Variants in TBC1D21 observed in about 807,000 individuals in gnomAD.
TBC1D21 encodes the protein TBC1 domain family member 21.
TBC1D21 carries 38 observed loss-of-function variants against 46.0 expected under a neutral mutation model. The ratio of observed to expected loss-of-function variants is 0.83; its 90% CI spans 0.64 to 1.08. The LOEUF is 1.08. Among genes scored for constraint, TBC1D21 ranks in the 50% least tolerant of loss-of-function variants. The pLI is 0.00. For missense variants in TBC1D21, 415 were observed against 417.9 expected (o/e 0.99, Z 0.06); for synonymous variants, 151 against 157.2 (o/e 0.96, Z 0.29).
At chr15:73,883,553 C>A (rs1423398420) in intron 3 of TBC1D21, among the ~76,000 whole-genome samples, 1 of 152,182 alleles carries the variant, frequency 6.6e-6, no homozygotes, top group Non-Finnish European at 1.5e-5. Flanking sequence ...GAACACATGT[C>A]ATTGGATTTG....
the TBC1D21 span, chr15:73,908,406 G>A: frequency 6.6e-6 from 1 of 152,456 alleles, no homozygotes; most frequent in East Asian, 1.9e-4. Context: ...CGCCAGTCCT[G>A]GCTCTCAGCG....
chr15:73,888,391 C>A (rs758409515), intron 9 of TBC1D21, 39 bp from the exon 10 acceptor site: 1 of 1,578,042 alleles, frequency 6.3e-7, no homozygotes, highest in East Asian at 2.3e-5. Flanking sequence ...AGATGTTTGC[C>A]CCAGCCCCAC....
chr15:73,901,506 G>A, the TBC1D21 span, among the ~76,000 whole-genome samples: 1 of 152,194 alleles, frequency 6.6e-6, no homozygotes, highest in Non-Finnish European at 1.5e-5. Context: ...CTGCTGTAAC[G>A]AATTACCACA....
the TBC1D21 span, among the ~76,000 whole-genome samples, chr15:73,899,291 C>T: frequency 6.6e-6 from 1 of 152,158 alleles, no homozygotes; most frequent in Non-Finnish European, 1.5e-5. Flanking sequence ...TGGATGCACC[C>T]TCAATTCCTG....
At chr15:73,909,335 C>T in the TBC1D21 span, among the ~76,000 whole-genome samples, 1 of 151,764 alleles carries the variant, frequency 6.6e-6, no homozygotes, top group Non-Finnish European at 1.5e-5. Context: ...CATACCACTG[C>T]ACTCCAGCCT....
At chr15:73,892,427 G>C (rs1403811263), downstream of TBC1D21, among the ~76,000 whole-genome samples, 1 of 152,204 alleles carries the variant, frequency 6.6e-6, no homozygotes. Context: ...GGGGATCCCA[G>C]ACCTAGGAGC....
intron 1 of TBC1D21, among the ~76,000 whole-genome samples, chr15:73,875,603 G>A (rs2068046875): frequency 6.6e-6 from 1 of 152,110 alleles, no homozygotes; most frequent in Non-Finnish European, 1.5e-5. Context: ...TCCCACTTCT[G>A]GTCCCCTTCC....
intron 9 of TBC1D21, 77 bp downstream of exon 9, chr15:73,887,813 C>CGG: frequency 7.7e-7 from 1 of 1,291,566 alleles, no homozygotes; most frequent in Non-Finnish European, 1.1e-6. Flanking sequence ...GCTGAAAGAC[C>CGG]GGGGTTCATG....
At chr15:73,893,561 A>G (rs1261829228), downstream of TBC1D21, among the ~76,000 whole-genome samples, 1 of 152,162 alleles carries the variant, frequency 6.6e-6, no homozygotes, top group Non-Finnish European at 1.5e-5. Flanking sequence ...CCCCAAGGCC[A>G]CTTTTTGTTC....
At chr15:73,904,131 T>C in the TBC1D21 span, among the ~76,000 whole-genome samples, 1 of 152,224 alleles carries the variant, frequency 6.6e-6, no homozygotes, top group South Asian at 2.1e-4. Context: ...ATCTAGGAAG[T>C]CTTCCTTCTA....
intron 6 of TBC1D21, among the ~76,000 whole-genome samples, chr15:73,885,448 G>A (rs1368898542): frequency 6.6e-6 from 1 of 152,144 alleles, no homozygotes; most frequent in Non-Finnish European, 1.5e-5. Flanking sequence ...ATGGCTCCCT[G>A]TGGCCTCCAG....
In TBC1D21 at chr15:73,873,567, C is replaced by A; in HGVS notation, c.-143C>A. 1 of 794,694 alleles carries A rather than the reference C, an allele frequency of 1.3e-6. No homozygotes were observed. 49.2% of individuals were successfully genotyped at this position (794,694 alleles called of 1,614,324 possible). A position where few individuals can be genotyped will look rare whatever the true frequency, so the allele number is the denominator to read the frequency against. ...AGAGTTCCAGGGGACTTGTGACACACTGCTGGCCGGCTCTGTTCAAGTGTG... is the reference window on the plus strand; with the variant it reads ...AGAGTTCCAGGGGACTTGTGACACAATGCTGGCCGGCTCTGTTCAAGTGTG... On this transcript the variant is annotated 5_prime_UTR_variant, in exon 1 of 11. It adds an upstream start codon to the 5' untranslated region. Transcript: ENST00000300504.
the TBC1D21 span, among the ~76,000 whole-genome samples, chr15:73,898,410 G>A: frequency 6.6e-6 from 1 of 152,170 alleles, no homozygotes; most frequent in Admixed American, 6.5e-5. Flanking sequence ...GACCTCTCCT[G>A]TGGTTTTCTA....
At chr15:73,893,914 A>T (rs1309401028), downstream of TBC1D21, among the ~76,000 whole-genome samples, 1 of 152,196 alleles carries the variant, frequency 6.6e-6, no homozygotes, top group African/African-American at 2.4e-5. Context: ...CTACCCTCAC[A>T]ATTATACAGA....
intron 8 of TBC1D21, 132 bp downstream of exon 8, chr15:73,886,744 A>G: frequency 1.3e-6 from 1 of 791,560 alleles, no homozygotes; most frequent in Non-Finnish European, 2.1e-6. Flanking sequence ...TTGTTAGGTC[A>G]GCAACCCTGC....
At chr15:73,876,022 C>G (rs1015247916) in intron 1 of TBC1D21, among the ~76,000 whole-genome samples, 2 of 152,008 alleles carry the variant, frequency 1.3e-5, no homozygotes, top group Non-Finnish European at 2.9e-5. Flanking sequence ...TGACATTTCC[C>G]CCTTTGCCTT....
chr15:73,879,740 A>G (rs1441604994), intron 1 of TBC1D21, among the ~76,000 whole-genome samples: 1 of 152,206 alleles, frequency 6.6e-6, no homozygotes, highest in African/African-American at 2.4e-5. Flanking sequence ...GTATATTTAC[A>G]TGTCTACTCA....
chr15:73,879,029 G>A (rs905041254), intron 1 of TBC1D21, among the ~76,000 whole-genome samples: 3 of 152,186 alleles, frequency 2.0e-5, no homozygotes, highest in African/African-American at 7.2e-5. Flanking sequence ...CCCACACCGA[G>A]ATTTGTAACT....
At position 73,885,052 on chromosome 15, in the gene TBC1D21, G is replaced by A. The variant is rs1205351003; in HGVS notation, c.528G>A (p.Val176=). Residue 176 remains valine (V), a synonymous_variant, in exon 6 of 11, where the codon GTG becomes GTA. Transcript: ENST00000300504. The part of the protein sequence containing the change: ...HEMMMLFQLM[V]EHDHETFWLF... ...TGATGATGCTCTTCCAGCTGATGGT[G>A]GAGCACGACCACGAGACCTTCTGGC... is the stretch of plus-strand genomic sequence containing the variant. 3 of 1,613,464 alleles carry A rather than the reference G, an allele frequency of 1.9e-6. No homozygotes were observed. The highest frequency in any genetic ancestry group is 2.5e-6 in the Non-Finnish European group (3 of 1,179,966).
Sources: gnomAD v4.1 joint callset for allele counts (sites outside exome capture counted in the v4.1 genomes callset) on GRCh38, gnomAD v4.1.1 for gene constraint, MANE v1.5 for transcripts, NCBI Gene and HGNC (gene_info 2026-07-23, HGNC 2026-07-21) for gene names.